The following PDE8B variants were observed in gnomAD, a reference collection of about 807,000 sequenced individuals.
PDE8B encodes phosphodiesterase 8B.
In PDE8B, 26 loss-of-function variants were observed where a neutral mutation model predicts 101.3. The observed-to-expected ratio is 0.26, with a 90% confidence interval of 0.19 to 0.36. The LOEUF is 0.36. Ranked by LOEUF, PDE8B falls within the 10% of genes least tolerant of loss-of-function variation. PDE8B has a pLI of 1.00. For synonymous variants in PDE8B, 424 were observed against 429.3 expected (o/e 0.99, Z 0.15); for missense variants, 810 against 1,163.1 (o/e 0.70, Z 4.42).
At chr5:77,103,120 T>G in the PDE8B span, among the ~76,000 whole-genome samples, 1 of 152,234 alleles carries the variant, frequency 6.6e-6, no homozygotes, top group Non-Finnish European at 1.5e-5. Context: ...AAACAAAAGA[T>G]GCCTTATGTT....
At chr5:77,092,570 T>G in the PDE8B span, 1 of 152,154 alleles carries the variant, frequency 6.6e-6, no homozygotes, top group Non-Finnish European at 1.5e-5. Flanking sequence ...ACAGAATATT[T>G]ACTCTCCCTA....
chr5:77,255,231 C>T (rs1454553112), intron 1 of PDE8B, among the ~76,000 whole-genome samples: 2 of 152,174 alleles, frequency 1.3e-5, no homozygotes, highest in Non-Finnish European at 2.9e-5. Context: ...TGCTGCCTGA[C>T]TCTCTTTTCT....
chr5:77,365,688 G>A (rs1376306265), intron 10 of PDE8B, among the ~76,000 whole-genome samples: 1 of 152,204 alleles, frequency 6.6e-6, no homozygotes. Flanking sequence ...CAGGGCCAGG[G>A]AGCTTGGAGC....
chr5:77,324,802 CA>C (rs2150229016), intron 2 of PDE8B, among the ~76,000 whole-genome samples: 1 of 152,292 alleles, frequency 6.6e-6, no homozygotes, highest in South Asian at 2.1e-4. Context: ...CAACTGGAAT[CA>C]AATATATGTA....
chr5:77,095,230 C>T, the PDE8B span, among the ~76,000 whole-genome samples: 5 of 152,158 alleles, frequency 3.3e-5, no homozygotes, highest in East Asian at 5.8e-4. Context: ...CAGATGTCAT[C>T]GTTGTTTGGC....
intron 1 of PDE8B, among the ~76,000 whole-genome samples, chr5:77,252,363 A>G (rs1758236656): frequency 6.6e-6 from 1 of 152,218 alleles, no homozygotes; most frequent in Admixed American, 6.5e-5. Context: ...CCAAATTAGC[A>G]AATACTCATG....
intron 10 of PDE8B, among the ~76,000 whole-genome samples, chr5:77,370,765 A>G (rs1484646825): frequency 6.6e-6 from 1 of 152,254 alleles, no homozygotes; most frequent in African/African-American, 2.4e-5. Flanking sequence ...AGCATTTGAC[A>G]TCGCCAAGAA....
chr5:77,182,633 C>G, the PDE8B span, among the ~76,000 whole-genome samples: 1 of 152,104 alleles, frequency 6.6e-6, no homozygotes, highest in Non-Finnish European at 1.5e-5. Flanking sequence ...GGGAATGACT[C>G]AGTTAATGTC....
At chr5:77,406,188 G>C (rs1793396796) in intron 12 of PDE8B, among the ~76,000 whole-genome samples, 1 of 152,190 alleles carries the variant, frequency 6.6e-6, no homozygotes, top group African/African-American at 2.4e-5. Context: ...AGGAGGCTGA[G>C]GCATGGGATT....
At chr5:77,149,304 A>T in the PDE8B span, among the ~76,000 whole-genome samples, 7 of 152,362 alleles carry the variant, frequency 4.6e-5, no homozygotes, top group African/African-American at 1.7e-4. Context: ...GGGTGATAGA[A>T]GTCTTTCAAT....
intron 1 of PDE8B, among the ~76,000 whole-genome samples, chr5:77,300,537 G>C (rs1051177546): frequency 6.6e-6 from 1 of 152,190 alleles, no homozygotes; most frequent in East Asian, 1.9e-4. Context: ...TGCTGCTGCG[G>C]TGCTTACCTC....
At chr5:77,142,002 A>C in the PDE8B span, 1 of 152,242 alleles carries the variant, frequency 6.6e-6, no homozygotes, top group African/African-American at 2.4e-5. Context: ...AATGTAAAGA[A>C]AAGAGATTCA....
At chr5:77,262,192 TAA>T (rs5868861) in intron 1 of PDE8B, among the ~76,000 whole-genome samples, 2 of 147,278 alleles carry the variant, frequency 1.4e-5, no homozygotes, top group Non-Finnish European at 1.5e-5. Flanking sequence ...GTGTGCCTGG[TAA>T]AAAAAAAACA....
At position 77,418,225 on chromosome 5, in the gene PDE8B, C is replaced by A. The variant is rs757272563; in HGVS notation, c.1912-4C>A. 1.9e-6 allele frequency: 3 copies of A among 1,600,568 alleles called. No homozygotes were observed. In the South Asian group the frequency reaches 3.3e-5, roughly 18 times the overall value. On this transcript the variant is annotated splice_region_variant and splice_polypyrimidine_tract_variant and intron_variant, in intron 17 of 21. Coordinates refer to ENST00000264917, the MANE Select transcript of PDE8B (RefSeq NM_003719.5). ...ATGCTCAACCTTGCCTCCCCATATC[C>A]CAGGGAAGCCTCGATCAGTTGGATG...
intron 1 of PDE8B, among the ~76,000 whole-genome samples, chr5:77,278,479 C>CT (rs1009842088): frequency 7.2e-5 from 11 of 151,892 alleles, no homozygotes; most frequent in Admixed American, 3.3e-4. Flanking sequence ...TACTTCTTTT[C>CT]TTTTTTTTGA....
chr5:77,225,113 C>T (rs1318860949), intron 1 of PDE8B, among the ~76,000 whole-genome samples: 1 of 152,168 alleles, frequency 6.6e-6, no homozygotes, highest in Non-Finnish European at 1.5e-5. Context: ...CAAAAGCCTA[C>T]CATTCTTTCT....
the PDE8B span, among the ~76,000 whole-genome samples, chr5:77,116,489 G>T: frequency 1.3e-5 from 2 of 152,038 alleles, no homozygotes; most frequent in African/African-American, 4.8e-5. Flanking sequence ...TGATGCGCCC[G>T]CCTTGACCTC....
At chr5:77,192,609 C>G in the PDE8B span, among the ~76,000 whole-genome samples, 1 of 152,134 alleles carries the variant, frequency 6.6e-6, no homozygotes, top group African/African-American at 2.4e-5. Context: ...CAGTTTGGGG[C>G]TATTATTTTA....
At chr5:77,169,476 G>A in the PDE8B span, among the ~76,000 whole-genome samples, 1 of 152,200 alleles carries the variant, frequency 6.6e-6, no homozygotes, top group African/African-American at 2.4e-5. Flanking sequence ...CACTGAGGCT[G>A]CTATTTGGAG....
Sources: gnomAD v4.1 joint callset for allele counts (sites outside exome capture counted in the v4.1 genomes callset) on GRCh38, gnomAD v4.1.1 for gene constraint, MANE v1.5 for transcripts, NCBI Gene and HGNC (gene_info 2026-07-23, HGNC 2026-07-21) for gene names.